The following AOPEP variants were observed in gnomAD, a reference collection of about 807,000 sequenced individuals.
AOPEP encodes aminopeptidase O.
Under a neutral mutation model 98.1 loss-of-function variants are expected in AOPEP, and 77 were observed. The observed-to-expected ratio is 0.78, with a 90% CI of 0.65 to 0.95. The LOEUF (loss-of-function observed/expected upper bound fraction) is 0.95. Among genes scored for constraint, AOPEP ranks in the 40% least tolerant of loss-of-function variants. The pLI is 0.00. For missense variants in AOPEP, 1,024 were observed against 1,024.7 expected, an observed-to-expected ratio of 1.00 and a Z score of 0.01; for synonymous variants, 346 against 365.3, an observed-to-expected ratio of 0.95 and a Z score of 0.60.
At chr9:94,778,028 T>C (rs1377053003) in intron 3 of AOPEP, among the ~76,000 whole-genome samples, 1 of 152,176 alleles carries the variant, frequency 6.6e-6, no homozygotes, top group Non-Finnish European at 1.5e-5. Flanking sequence ...GATATAAGAA[T>C]GTGCAAAGTA....
chr9:95,001,975 T>C (rs2061589282), intron 11 of AOPEP, among the ~76,000 whole-genome samples: 2 of 151,574 alleles, frequency 1.3e-5, no homozygotes, highest in Admixed American at 1.3e-4. Context: ...ACAGGGGTCT[T>C]GCTATGTTGC....
the AOPEP span, among the ~76,000 whole-genome samples, chr9:95,132,557 C>T: frequency 6.6e-6 from 1 of 152,164 alleles, no homozygotes; most frequent in African/African-American, 2.4e-5. Context: ...GGGCTAATAC[C>T]TCACTTGATG....
chr9:94,869,721 T>C (rs961680923), intron 5 of AOPEP, among the ~76,000 whole-genome samples: 1 of 152,198 alleles, frequency 6.6e-6, no homozygotes, highest in African/African-American at 2.4e-5. Flanking sequence ...AGAAGCAGAA[T>C]GAATGATTAC....
chr9:94,939,757 G>C (rs1290930044), intron 7 of AOPEP, among the ~76,000 whole-genome samples: 1 of 152,110 alleles, frequency 6.6e-6, no homozygotes, highest in East Asian at 1.9e-4. Context: ...CAGTATCCTC[G>C]GGGCATTGGT....
chr9:94,801,058 A>G lies in AOPEP; in HGVS notation c.1364+56A>G, dbSNP rs769225106. Reference sequence around the variant, plus strand: ...CATACATTTTGGAAATTCTTTGACTATGTCTTGCTTTCCTTGAGCTCTGTC... The same window carrying G: ...CATACATTTTGGAAATTCTTTGACTGTGTCTTGCTTTCCTTGAGCTCTGTC... On this transcript the variant is annotated intron_variant, in intron 5 of 16. Coordinates refer to ENST00000375315, the MANE Select transcript of AOPEP (RefSeq NM_001193329.3). The G allele has an allele frequency of 6.3e-6, 10 of 1,593,620 alleles. No homozygotes were observed. In the South Asian group the frequency reaches 7.8e-5, roughly 12 times the overall value.
chr9:95,026,230 C>A (rs1008591853), intron 13 of AOPEP, among the ~76,000 whole-genome samples: 1 of 152,156 alleles, frequency 6.6e-6, no homozygotes, highest in South Asian at 2.1e-4. Flanking sequence ...ATTTACGTGC[C>A]ATAAACAATT....
chr9:95,106,858 A>G, the AOPEP span, among the ~76,000 whole-genome samples: 18 of 152,130 alleles, frequency 1.2e-4, no homozygotes, highest in African/African-American at 4.3e-4. Flanking sequence ...CCTGTCTCTG[A>G]GCCTCTGTTT....
chr9:94,954,921 C>T (rs910222172), intron 7 of AOPEP, among the ~76,000 whole-genome samples: 27 of 151,924 alleles, frequency 1.8e-4, no homozygotes, highest in Admixed American at 1.7e-3. Context: ...AGCTTAGAAC[C>T]CTTGAGGGTC....
intron 13 of AOPEP, among the ~76,000 whole-genome samples, chr9:95,013,388 A>G (rs1258168533): frequency 2.1e-5 from 3 of 141,338 alleles, no homozygotes; most frequent in Non-Finnish European, 4.5e-5. Context: ...TTTCCATCAT[A>G]TAACTTGAAA....
In AOPEP at chr9:94,981,805, T is replaced by G. The variant is rs149065054; in HGVS notation, c.1977+2378T>G. 7.6e-3 allele frequency among the ~76,000 whole-genome samples: 1,155 copies of G among 152,330 alleles called. 18 individuals are homozygous for G. The highest frequency in any genetic ancestry group is 0.027 in the African/African-American group (1,107 of 41,564). On this transcript the variant is annotated intron_variant, in intron 11 of 16. Transcript: ENST00000375315. ...TGCTCTTTGTTCTCGTAAAAATTTC[T>G]GTCTACCAGCAATTGAAGTCATTCA...
At chr9:94,765,128 AT>A (rs926227155) in intron 2 of AOPEP, among the ~76,000 whole-genome samples, 2 of 151,682 alleles carry the variant, frequency 1.3e-5, no homozygotes, top group South Asian at 2.1e-4. Context: ...CGCCCAGCTA[AT>A]TTTTGTATTT....
chr9:95,020,078 G>T (rs2063328335), intron 13 of AOPEP: 1 of 152,238 alleles, frequency 6.6e-6, no homozygotes, highest in Admixed American at 6.5e-5. Flanking sequence ...TCAAGTCCTT[G>T]TTTCACATAT....
chr9:94,760,171 TA>T lies in AOPEP; in HGVS notation c.389del (p.Tyr130SerfsTer15). ...TGCTTCTGGGATTTCTAGCTCAAAG[TA>T]CTGCTGTGACACAGGGAATCATGGG... ...EHASGISSSK[Y>X]CCDTGNHGSE... On this transcript the variant is annotated frameshift_variant, in exon 2 of 17. Transcript: ENST00000375315. LOFTEE classifies it high-confidence loss of function. 1 of 1,614,230 alleles carries T rather than the reference TA, an allele frequency of 6.2e-7. No individual in the cohort carries two copies. The highest frequency in any genetic ancestry group is 2.2e-5 in the East Asian group (1 of 44,892).
At chr9:95,005,047 C>T in intron 11 of AOPEP, 111 bp from the exon 12 acceptor site, 1 of 384,312 alleles carries the variant, frequency 2.6e-6, no homozygotes, top group Non-Finnish European at 3.6e-6. Flanking sequence ...CCGCTGCGTC[C>T]TCCCCGGCCG....
At chr9:94,874,121 A>C (rs898515848) in intron 5 of AOPEP, among the ~76,000 whole-genome samples, 6 of 152,150 alleles carry the variant, frequency 3.9e-5, no homozygotes, top group African/African-American at 1.4e-4. Context: ...GTGATTAGAA[A>C]TTTTTGTATT....
intron 5 of AOPEP, among the ~76,000 whole-genome samples, chr9:94,853,348 T>C (rs2043790705): frequency 6.6e-6 from 1 of 151,934 alleles, no homozygotes; most frequent in African/African-American, 2.4e-5. Flanking sequence ...TAGTCCCAAC[T>C]ACTTGGGAGG....
At chr9:94,833,873 A>C (rs1172214662) in intron 5 of AOPEP, among the ~76,000 whole-genome samples, 1 of 151,402 alleles carries the variant, frequency 6.6e-6, no homozygotes, top group Admixed American at 6.6e-5. Flanking sequence ...GTAGCTAATA[A>C]ATTAAGTAAT....
intron 1 of AOPEP, among the ~76,000 whole-genome samples, chr9:94,735,382 G>A (rs931060900): frequency 1.3e-5 from 2 of 152,210 alleles, no homozygotes; most frequent in South Asian, 2.1e-4. Context: ...CACCACGCCC[G>A]GCTAATTTTT....
chr9:94,750,655 C>T (rs771953523), intron 1 of AOPEP, among the ~76,000 whole-genome samples: 113 of 152,090 alleles, frequency 7.4e-4, no homozygotes, highest in Non-Finnish European at 7.9e-4. Context: ...TTATGCTTAG[C>T]GTTCCATTAC....
Sources: gnomAD v4.1 joint callset for allele counts (sites outside exome capture counted in the v4.1 genomes callset) on GRCh38, gnomAD v4.1.1 for gene constraint, MANE v1.5 for transcripts, NCBI Gene and HGNC (gene_info 2026-07-23, HGNC 2026-07-21) for gene names.